Variants in DNAH17 observed in about 807,000 individuals in gnomAD.
DNAH17 encodes axonemal beta dynein heavy chain 17.
In DNAH17, 376 loss-of-function variants were observed where a neutral mutation model predicts 485.6. That is an observed-to-expected ratio of 0.77 (90% CI 0.71 to 0.84). DNAH17 has a LOEUF of 0.84. DNAH17 is among the 40% of genes least tolerant of loss of function. The probability of loss-of-function intolerance (pLI) is 0.00; values close to 1 mark genes in which losing one functional copy is unlikely to be tolerated. For missense variants in DNAH17, 6,370 were observed against 5,839.3 expected, an observed-to-expected ratio of 1.09 and a Z score of -2.96; for synonymous variants, 3,031 against 2,405.9, an observed-to-expected ratio of 1.26 and a Z score of -7.60.
At chr17:78,438,273 A>G (rs780741617) in intron 73 of DNAH17, among the ~76,000 whole-genome samples, 9 of 150,566 alleles carry the variant, frequency 6.0e-5, no homozygotes, top group Non-Finnish European at 1.3e-4. Flanking sequence ...AAGCTGGGAC[A>G]GGCCCAGAGG....
chr17:78,528,890 C>T (rs1396190436), intron 22 of DNAH17, among the ~76,000 whole-genome samples: 3 of 152,046 alleles, frequency 2.0e-5, no homozygotes, highest in Non-Finnish European at 4.4e-5. Flanking sequence ...CTGGCACCCA[C>T]CTCCACCAGC....
intron 26 of DNAH17, chr17:78,510,759 G>A (rs199610123): frequency 3.5e-5 from 11 of 316,782 alleles, no homozygotes; most frequent in Admixed American, 8.0e-5. Context: ...CGGCCCCCCC[G>A]CAAAATTCAC....
chr17:78,532,481 C>A lies in DNAH17; in HGVS notation c.3114+1G>T, dbSNP rs749131246. ...GGCTGGTGGGTGAGGTCTGCACGCA[C>A]CTGCTCCTGGAACTGAGCCAGGGTG... On this transcript the variant is annotated splice_donor_variant, in intron 20 of 80. Transcript: ENST00000389840. LOFTEE classifies it high-confidence loss of function. 65 of 1,608,952 alleles carry A rather than the reference C, an allele frequency of 4.0e-5. No homozygotes were observed. The highest frequency in any genetic ancestry group is 3.9e-4 in the South Asian group (35 of 90,114).
chr17:78,521,760 G>A (rs1487540056), intron 25 of DNAH17, among the ~76,000 whole-genome samples: 2 of 152,202 alleles, frequency 1.3e-5, no homozygotes, highest in African/African-American at 4.8e-5. Context: ...GCCAAGGCGG[G>A]CGCATTGCCT....
intron 55 of DNAH17, 99 bp downstream of exon 55, chr17:78,468,518 G>C: frequency 7.1e-7 from 1 of 1,405,076 alleles, no homozygotes; most frequent in African/African-American, 1.4e-5. Flanking sequence ...TCCCATGAAG[G>C]ATCAGTCCTC....
intron 54 of DNAH17, among the ~76,000 whole-genome samples, chr17:78,472,266 G>T (rs935426083): frequency 4.1e-5 from 6 of 145,890 alleles, no homozygotes; most frequent in Non-Finnish European, 8.9e-5. Flanking sequence ...GTTAGGGTTA[G>T]GGAGTAGGGG....
intron 37 of DNAH17, chr17:78,497,174 T>C (rs1014736547): frequency 2.0e-5 from 3 of 152,224 alleles, no homozygotes; most frequent in Non-Finnish European, 2.9e-5. Flanking sequence ...GAAGGCCAAC[T>C]GTCAGCTACG....
In DNAH17 at chr17:78,543,928, TTCCA is replaced by T. The variant is rs2091677462; in HGVS notation, c.2457_2460del (p.Asp819GlufsTer18). The T allele has an allele frequency of 6.2e-7, 1 of 1,614,072 alleles. No individual in the cohort carries two copies. Among genetic ancestry groups the T allele is most frequent in the Non-Finnish European group, 8.5e-7 (1 of 1,179,896 alleles). ...TAGCGCTTGTTGAGGTTGGCAATTC[TTCCA>T]TCCAAGTCTAACAGGGCCTCTTTCT... On this transcript the variant is annotated frameshift_variant, in exon 17 of 81. Transcript: ENST00000389840. LOFTEE classifies it high-confidence loss of function.
intron 56 of DNAH17, among the ~76,000 whole-genome samples, chr17:78,464,749 C>T (rs1038841889): frequency 6.6e-6 from 1 of 152,244 alleles, no homozygotes; most frequent in Non-Finnish European, 1.5e-5. Flanking sequence ...TGCATGTCCT[C>T]AGCCTTCCTG....
chr17:78,433,389 C>T (rs779750427), intron 75 of DNAH17, among the ~76,000 whole-genome samples: 10 of 152,338 alleles, frequency 6.6e-5, no homozygotes, highest in Middle Eastern at 3.4e-3. Flanking sequence ...CATCTGGTCC[C>T]AAACCTGTGC....
intron 25 of DNAH17, among the ~76,000 whole-genome samples, chr17:78,519,843 C>T (rs1293001568): frequency 2.0e-5 from 3 of 152,212 alleles, no homozygotes; most frequent in African/African-American, 7.2e-5. Context: ...GGCATGGTGG[C>T]TCACGCCTGT....
intron 25 of DNAH17, 66 bp downstream of exon 25, chr17:78,524,943 C>T (rs1230946874): frequency 1.3e-6 from 2 of 1,548,458 alleles, no homozygotes; most frequent in South Asian, 2.4e-5. Context: ...AGCCTGCCCT[C>T]TTGTTGCCGG....
At position 78,458,595 on chromosome 17, in the gene DNAH17, G is replaced by T; in HGVS notation, c.9947C>A (p.Ala3316Asp). 1 of 1,613,956 alleles carries T rather than the reference G, an allele frequency of 6.2e-7. No individual in the cohort carries two copies. Among genetic ancestry groups the T allele is most frequent in the East Asian group, 2.2e-5 (1 of 44,890 alleles). ...EKIKCQQEAD[A>D]TNRVILLANR... ...CGCCAGTAAGATCACCCTGTTCGTG[G>T]CATCGGCCTCTTGCTGACACTTGAT... is the stretch of plus-strand genomic sequence containing the variant. The change falls in exon 62 of 81, where the codon GCC becomes GAC. Residue 3316 changes from alanine to aspartate, a missense_variant. Physicochemically the swap from Ala to Asp is moderately radical, Grantham distance 126 (BLOSUM62 -2). Transcript: ENST00000389840.
At chr17:78,555,743 A>G (rs79348389) in intron 14 of DNAH17, among the ~76,000 whole-genome samples, 23,672 of 152,026 alleles carry the variant, frequency 0.16, 2,047 homozygotes, top group East Asian at 0.34. Context: ...TCTGGATGAG[A>G]TAAGCATTGG....
intron 1 of DNAH17, among the ~76,000 whole-genome samples, chr17:78,576,217 T>C (rs970331021): frequency 3.9e-5 from 6 of 152,134 alleles, no homozygotes; most frequent in African/African-American, 1.4e-4. Context: ...AGCCTACAGT[T>C]CCCCAAAAGA....
At position 78,558,001 on chromosome 17, in the gene DNAH17, G is replaced by C. The variant is rs943489878; in HGVS notation, c.2178+107C>G. The stretch of plus-strand genomic sequence containing the variant: ...TGGAAGAATGAATTTGAGTGAATGG[G>C]AAGATTTCCCAGGAAGAGCCACATC... On this transcript the variant is annotated intron_variant, in intron 14 of 80. Coordinates refer to ENST00000389840, the MANE Select transcript of DNAH17 (RefSeq NM_173628.4). 1.0e-5 allele frequency: 14 copies of C among 1,333,926 alleles called. No homozygotes were observed. The Middle Eastern group carries it at 7.5e-4, about 72-fold the overall frequency. The allele number at this position is 1,333,926 out of a possible 1,614,324, so 82.6% of individuals were successfully genotyped here.
rs769122950 is a variant in DNAH17, at chr17:78,455,731, G to C, written c.10083C>G (p.Ala3361=). The C allele has an allele frequency of 6.2e-7, 1 of 1,611,814 alleles. No homozygotes were observed. Among genetic ancestry groups the C allele is most frequent in the East Asian group, 2.2e-5 (1 of 44,762 alleles). ...TGAAGTAGCCCACGTAGGACACGAA[G>C]GCAGAGATGAGCAGGACGTCCCCAC... ...TLCGDVLLIS[A]FVSYVGYFTK... is the part of the protein sequence containing the mutation. The change falls in exon 63 of 81, where the codon GCC becomes GCG. Residue 3361 remains alanine (A), a synonymous_variant. Transcript: ENST00000389840.
Position 78,479,024 on chromosome 17 carries a change from C to G in DNAH17, c.7992+1G>C. 6.2e-7 allele frequency: 1 copy of G among 1,613,406 alleles called. No individual in the cohort carries two copies. Among genetic ancestry groups the G allele is most frequent in the Non-Finnish European group, 8.5e-7 (1 of 1,179,502 alleles). Reference sequence around the variant, plus strand: ...ATGACATAAAGCTACAAGAGCAGTACCTGGAAAATATTGGAGAGGTCCCTG... The same window carrying G: ...ATGACATAAAGCTACAAGAGCAGTAGCTGGAAAATATTGGAGAGGTCCCTG... On this transcript the variant is annotated splice_donor_variant, in intron 51 of 80. Transcript: ENST00000389840. LOFTEE classifies it high-confidence loss of function.
Position 78,450,273 on chromosome 17 carries a change from A to G in DNAH17, c.11021T>C (p.Val3674Ala), listed in dbSNP as rs751680704. ...GCGCACCTTGAGGGAGAACTGGTAG[A>G]CGGGGTTGATTTTGTTGAGATCGTT... ...ILNDLNKINP[V>A]YQFSLKAFNV... is the part of the protein sequence containing the mutation. The change falls in exon 68 of 81, where the codon GTC becomes GCC. Residue 3674 changes from valine (V) to alanine (A), a missense_variant. Transcript: ENST00000389840. The G allele has an allele frequency of 1.2e-6, 2 of 1,613,938 alleles. No homozygotes were observed. The highest frequency in any genetic ancestry group is 2.2e-5 in the East Asian group (1 of 44,880).
Sources: allele counts gnomAD v4.1 joint callset (sites outside exome capture counted in the v4.1 genomes callset), GRCh38; gene constraint gnomAD v4.1.1; transcripts MANE v1.5; gene names NCBI Gene and HGNC (gene_info 2026-07-23, HGNC 2026-07-21).